The following NCKAP5 variants were observed in gnomAD, a reference collection of about 807,000 sequenced individuals.
NCKAP5 encodes NCK associated protein 5.
NCKAP5 carries 92 observed loss-of-function variants against 167.0 expected under a neutral mutation model. The ratio of observed to expected loss-of-function variants is 0.55; its 90% confidence interval spans 0.47 to 0.66. The LOEUF (loss-of-function observed/expected upper bound fraction) is 0.66, where lower values mean the gene tolerates loss of function less well. Ranked by LOEUF, NCKAP5 falls within the 30% of genes least tolerant of loss-of-function variation. NCKAP5 has a pLI of 0.00. For synonymous variants in NCKAP5, 891 were observed against 877.4 expected (o/e 1.02, Z -0.27); for missense variants, 2,378 against 2,315.0 (o/e 1.03, Z -0.56).
the NCKAP5 span, among the ~76,000 whole-genome samples, chr2:133,659,473 C>A: frequency 5.9e-5 from 9 of 151,984 alleles, no homozygotes; most frequent in Middle Eastern, 3.2e-3. Context: ...AAAACACAAG[C>A]AACAAAAGAA....
chr2:133,275,045 C>T (rs2089670122), intron 4 of NCKAP5, among the ~76,000 whole-genome samples: 1 of 150,570 alleles, frequency 6.6e-6, no homozygotes, highest in African/African-American at 2.4e-5. Flanking sequence ...GAATACATAT[C>T]CTAAATTTGT....
At chr2:133,596,975 A>G in the NCKAP5 span, among the ~76,000 whole-genome samples, 1 of 152,214 alleles carries the variant, frequency 6.6e-6, no homozygotes, top group African/African-American at 2.4e-5. Flanking sequence ...GCTGCAGGAG[A>G]GACAGAAGTC....
the NCKAP5 span, among the ~76,000 whole-genome samples, chr2:133,601,165 G>A: frequency 1.3e-5 from 2 of 152,160 alleles, no homozygotes; most frequent in Non-Finnish European, 2.9e-5. Context: ...CAGGCTAAAC[G>A]ACCTGAGCTG....
At chr2:133,392,378 C>T (rs1435193212) in intron 3 of NCKAP5, among the ~76,000 whole-genome samples, 2 of 152,142 alleles carry the variant, frequency 1.3e-5, no homozygotes, top group Non-Finnish European at 2.9e-5. Flanking sequence ...TATGTAAGTA[C>T]ACTCTGTGAT....
rs149660878 is a variant in NCKAP5, at chr2:132,691,512, C to T, written c.5714-18207G>A. Among the ~76,000 whole-genome samples the T allele has an allele frequency of 4.8e-4, 73 of 152,280 alleles. No individual in the cohort carries two copies. In the East Asian group the frequency reaches 9.1e-3, roughly 19 times the overall value. On this transcript the variant is annotated intron_variant, in intron 19 of 19. Coordinates refer to ENST00000409261, the MANE Select transcript of NCKAP5 (RefSeq NM_207363.3). ...TCAGGGCCTTTGCACTTGCTATACC[C>T]GCTACCTAACATGTTCCTCTTTCGA...
rs1278704177 is a variant in NCKAP5, at chr2:133,526,216, GAAGGAAGGAAGA to G, written c.-61-8641_-61-8630del. On this transcript the variant is annotated intron_variant, in intron 2 of 19. Coordinates refer to ENST00000409261, the MANE Select transcript of NCKAP5 (RefSeq NM_207363.3). ...GGAAGGAAGGAAGGAAGGAAGGAAGGAAGGAAGGAAGAAAGGAAAGGAGGGAGGGAAGGAGGG... is the reference window on the plus strand; with the variant it reads ...GGAAGGAAGGAAGGAAGGAAGGAAGGAAGGAAAGGAGGGAGGGAAGGAGGG... Among the ~76,000 whole-genome samples the G allele has an allele frequency of 5.9e-3, 769 of 131,426 alleles. 11 individuals are homozygous for G. The highest frequency in any genetic ancestry group is 0.011 in the Middle Eastern group (3 of 262). The allele number at this position is 131,426 out of a possible 152,430, so 86.2% of individuals were successfully genotyped here.
the NCKAP5 span, among the ~76,000 whole-genome samples, chr2:133,649,693 T>C: frequency 1.3e-5 from 2 of 152,246 alleles, no homozygotes; most frequent in Non-Finnish European, 2.9e-5. Flanking sequence ...CAACACCTCT[T>C]AATGATAAAA....
chr2:133,440,307 A>C (rs1184104516), intron 3 of NCKAP5, among the ~76,000 whole-genome samples: 1 of 152,166 alleles, frequency 6.6e-6, no homozygotes, highest in Non-Finnish European at 1.5e-5. Context: ...TAAAAATACA[A>C]ATAGTACATG....
chr2:133,364,718 T>C (rs752294536), intron 3 of NCKAP5, among the ~76,000 whole-genome samples: 10 of 152,094 alleles, frequency 6.6e-5, no homozygotes, highest in Non-Finnish European at 1.2e-4. Context: ...GTGTGCTCAG[T>C]AGATCACAGT....
chr2:132,707,617 G>T (rs1688486861), intron 19 of NCKAP5, among the ~76,000 whole-genome samples: 1 of 152,184 alleles, frequency 6.6e-6, no homozygotes. Flanking sequence ...GGTATCTCCT[G>T]TGTGCCAGGC....
intron 16 of NCKAP5, among the ~76,000 whole-genome samples, chr2:132,739,004 A>G (rs77850103): frequency 0.024 from 3,683 of 152,320 alleles, 153 homozygotes; most frequent in African/African-American, 0.084. Flanking sequence ...TATCCAAACT[A>G]TATAAACTAT....
At chr2:133,137,406 T>TTGTGTG (rs58955655) in intron 5 of NCKAP5, among the ~76,000 whole-genome samples, 2,676 of 136,252 alleles carry the variant, frequency 0.02, 70 homozygotes, top group African/African-American at 0.056. Context: ...GAGCTTGGTT[T>TTGTGTG]TGTGTGTGTG....
intron 6 of NCKAP5, among the ~76,000 whole-genome samples, chr2:133,115,822 TCACA>T (rs141741244): frequency 2.4e-5 from 3 of 122,934 alleles, no homozygotes; most frequent in African/African-American, 5.9e-5. Context: ...TATATAGTGT[TCACA>T]CACACACACA....
Position 132,783,184 on chromosome 2 carries a change from G to A in NCKAP5, c.3627C>T (p.Thr1209=), listed in dbSNP as rs984531794. The change falls in exon 14 of 20, where the codon ACC becomes ACT. Residue 1209 remains threonine (T), a synonymous_variant. Transcript: ENST00000409261. ...TGCCCTGTGCTTGTGAATCCGGTAG[G>A]GTCACATTTCTTTCACCCGCTGTGA... is the stretch of plus-strand genomic sequence containing the variant. ...MEITAGERNV[T]LPDSQAQGSL... 1.9e-6 allele frequency: 3 copies of A among 1,613,736 alleles called. No homozygotes were observed. The highest frequency in any genetic ancestry group is 2.2e-5 in the South Asian group (2 of 91,074).
intron 5 of NCKAP5, among the ~76,000 whole-genome samples, chr2:133,135,124 G>A (rs1018399752): frequency 2.0e-5 from 3 of 152,162 alleles, no homozygotes; most frequent in Non-Finnish European, 4.4e-5. Context: ...AGATAAATAC[G>A]GCAGTATAAA....
At chr2:132,730,906 C>G (rs1690938300) in intron 17 of NCKAP5, among the ~76,000 whole-genome samples, 1 of 152,188 alleles carries the variant, frequency 6.6e-6, no homozygotes, top group Non-Finnish European at 1.5e-5. Flanking sequence ...ATGGGAATAG[C>G]CCAATCACAT....
chr2:133,442,632 G>T (rs1478187433), intron 3 of NCKAP5, among the ~76,000 whole-genome samples: 4 of 152,176 alleles, frequency 2.6e-5, no homozygotes, highest in Admixed American at 1.3e-4. Context: ...CCAGCTCCCT[G>T]GTGCTGTCAC....
intron 7 of NCKAP5, among the ~76,000 whole-genome samples, chr2:132,990,327 G>A (rs546933026): frequency 6.6e-6 from 1 of 152,028 alleles, no homozygotes; most frequent in East Asian, 1.9e-4. Context: ...CCCCACTCCC[G>A]AGCATCCTAT....
At chr2:133,140,434 C>T (rs915882156) in intron 5 of NCKAP5, among the ~76,000 whole-genome samples, 3 of 152,134 alleles carry the variant, frequency 2.0e-5, no homozygotes, top group African/African-American at 7.2e-5. Flanking sequence ...AATTCTCTGG[C>T]TAGTTTCATT....
Sources: gnomAD v4.1 joint callset for allele counts (sites outside exome capture counted in the v4.1 genomes callset) on GRCh38, gnomAD v4.1.1 for gene constraint, MANE v1.5 for transcripts, NCBI Gene and HGNC (gene_info 2026-07-23, HGNC 2026-07-21) for gene names.